YWHAB: variants seen among roughly 807,000 people sequenced by gnomAD.
YWHAB encodes the protein 14-3-3 protein beta/alpha.
YWHAB carries 2 observed loss-of-function variants against 28.5 expected under a neutral mutation model. That is an observed-to-expected ratio of 0.07 (90% CI 0.03 to 0.22). The LOEUF (loss-of-function observed/expected upper bound fraction) is 0.22. Ranked by LOEUF, YWHAB falls within the 10% of genes least tolerant of loss-of-function variation. The pLI is 1.00. For synonymous variants in YWHAB, 103 were observed against 104.7 expected (o/e 0.98, Z 0.10); for missense variants, 148 against 297.1 (o/e 0.50, Z 3.69).
In YWHAB at chr20:44,906,437, A is replaced by G; in HGVS notation, c.740A>G (p.Ter247=). Residue 247 remains the stop codon, a stop_retained_variant, in exon 6 of 6, where the codon TAA becomes TGA. Coordinates refer to ENST00000353703, the MANE Select transcript of YWHAB (RefSeq NM_139323.4). The part of the protein sequence containing the change: ...DEGDAGEGEN[*] Reference sequence around the variant, plus strand: ...GGAGACGCTGGGGAGGGAGAGAACTAATGTTTCTCGTGCTTTGTGATCTGT... The same window carrying G: ...GGAGACGCTGGGGAGGGAGAGAACTGATGTTTCTCGTGCTTTGTGATCTGT... 1.2e-6 allele frequency: 2 copies of G among 1,610,656 alleles called. No homozygotes were observed. The highest frequency in any genetic ancestry group is 1.1e-5 in the South Asian group (1 of 90,964).
At chr20:44,887,773 T>C (rs1469957127) in intron 1 of YWHAB, 1 of 152,266 alleles carries the variant, frequency 6.6e-6, no homozygotes, top group Non-Finnish European at 1.5e-5. Context: ...GCCTGCAATA[T>C]TTTCTAGCTT....
At chr20:44,905,723 G>A (rs533351062) in intron 4 of YWHAB, 81 of 288,626 alleles carry the variant, frequency 2.8e-4, no homozygotes, top group African/African-American at 1.6e-3. Flanking sequence ...AATCACACGC[G>A]TTTGCCCAGA....
intron 1 of YWHAB, among the ~76,000 whole-genome samples, chr20:44,892,373 C>T (rs2066567871): frequency 6.6e-6 from 1 of 151,752 alleles, no homozygotes; most frequent in East Asian, 1.9e-4. Context: ...CTAGTTCTGT[C>T]TGGTTGGCTT....
At chr20:44,897,004 A>G (rs925224139) in intron 1 of YWHAB, among the ~76,000 whole-genome samples, 2 of 152,202 alleles carry the variant, frequency 1.3e-5, no homozygotes, top group African/African-American at 4.8e-5. Flanking sequence ...TCTTGCCATG[A>G]TGGTTCTCAA....
rs2066662970 is a variant in YWHAB at position 44,907,199 on chromosome 20, A to G, written c.*761A>G. 1 of 152,198 alleles carries G rather than the reference A, an allele frequency of 6.6e-6. No homozygotes were observed. The highest frequency in any genetic ancestry group is 6.5e-5 in the Admixed American group (1 of 15,278). 9.4% of individuals were successfully genotyped at this position (152,198 alleles called of 1,614,324 possible). A position where few individuals can be genotyped will look rare whatever the true frequency, so the allele number is the denominator to read the frequency against. On this transcript the variant is annotated 3_prime_UTR_variant, in exon 6 of 6. Coordinates refer to ENST00000353703, the MANE Select transcript of YWHAB (RefSeq NM_139323.4). ...AACTTGTGCTTCAATAGTGGAATCTACTTTCATTGTTAACACTGAGCTAAA... is the reference window on the plus strand; with the variant it reads ...AACTTGTGCTTCAATAGTGGAATCTGCTTTCATTGTTAACACTGAGCTAAA...
At chr20:44,906,332 T>TA in intron 5 of YWHAB, 50 bp from the exon 6 acceptor site, 1 of 1,584,142 alleles carries the variant, frequency 6.3e-7, no homozygotes, top group Non-Finnish European at 8.7e-7. Flanking sequence ...GCCACTTACC[T>TA]AGGGAACTTT....
Position 44,905,145 on chromosome 20 carries a change from T to C in YWHAB, c.588+14T>C. On this transcript the variant is annotated intron_variant, in intron 4 of 5. Transcript: ENST00000353703. ...CTGGCAAAAACGGTGAGAAAGACCC[T>C]TTGTGATATCTAACCATAGCAAAAC... 6.3e-7 allele frequency: 1 copy of C among 1,598,018 alleles called. No individual in the cohort carries two copies. The highest frequency in any genetic ancestry group is 2.2e-5 in the East Asian group (1 of 44,676).
At position 44,906,673 on chromosome 20, in the gene YWHAB, G is replaced by A; in HGVS notation, c.*235G>A. Reference sequence around the variant, plus strand: ...CGAAGTTTTGATTTTGATTAACATTGACAGGATTACTGTGTGTTTAATTTT... The same window carrying A: ...CGAAGTTTTGATTTTGATTAACATTAACAGGATTACTGTGTGTTTAATTTT... On this transcript the variant is annotated 3_prime_UTR_variant, in exon 6 of 6. Transcript: ENST00000353703. 2 of 344,056 alleles carry A rather than the reference G, an allele frequency of 5.8e-6. No individual in the cohort carries two copies. The highest frequency in any genetic ancestry group is 1.3e-4 in the South Asian group (2 of 15,858). The allele number at this position is 344,056 out of a possible 1,614,324, so 21.3% of individuals were successfully genotyped here.
chr20:44,903,594 T>C (rs2066639527), intron 2 of YWHAB: 2 of 157,972 alleles, frequency 1.3e-5, no homozygotes, highest in African/African-American at 4.8e-5. Context: ...TCCAGGCTTT[T>C]CCCTTATATA....
chr20:44,890,382 C>T (rs2066553325), intron 1 of YWHAB, among the ~76,000 whole-genome samples: 1 of 151,858 alleles, frequency 6.6e-6, no homozygotes, highest in Non-Finnish European at 1.5e-5. Flanking sequence ...CCTCTGTCCA[C>T]GTAGGAAATA....
At position 44,904,968 on chromosome 20, in the gene YWHAB, C is replaced by A; in HGVS notation, c.425C>A (p.Thr142Asn). The A allele has an allele frequency of 6.3e-7, 1 of 1,593,010 alleles. No individual in the cohort carries two copies. The change falls in exon 4 of 6, where the codon ACC becomes AAC. Residue 142 changes from threonine to asparagine, a missense_variant and splice_region_variant. Thr to Asn is a moderately conservative substitution (Grantham distance 65). Coordinates refer to ENST00000353703, the MANE Select transcript of YWHAB (RefSeq NM_139323.4). ...TAATATTTTCATCTTTATGTTACAG[C>A]CACTGTGTCGAACTCCCAGCAGGCT... ...SEVASGDNKQ[T>N]TVSNSQQAYQ... is the part of the protein sequence containing the mutation.
chr20:44,906,140 C>A, intron 5 of YWHAB, 44 bp downstream of exon 5: 1 of 1,450,026 alleles, frequency 6.9e-7, no homozygotes, highest in Non-Finnish European at 9.6e-7. Flanking sequence ...TTCCTATTCA[C>A]CTACTTAATA....
rs997730232 is a variant in YWHAB at position 44,885,801 on chromosome 20, G to T, written c.-89G>T. ...AGCCACTGCAGGCACCGCTGCCGCC[G>T]CCTGAGTAGTGGGCTTAGGAAGGAA... On this transcript the variant is annotated 5_prime_UTR_variant, in exon 1 of 6. Transcript: ENST00000353703. 1.2e-4 allele frequency: 20 copies of T among 171,018 alleles called. 1 individual carries two copies. Among genetic ancestry groups the T allele is most frequent in the African/African-American group, 4.6e-4 (19 of 41,662 alleles). 10.6% of individuals were successfully genotyped at this position (171,018 alleles called of 1,614,324 possible).
intron 1 of YWHAB, among the ~76,000 whole-genome samples, chr20:44,890,641 G>T (rs1404429778): frequency 6.6e-6 from 1 of 151,560 alleles, no homozygotes; most frequent in Non-Finnish European, 1.5e-5. Context: ...CTCCTGAGTA[G>T]CTGGGATTAC....
At chr20:44,892,252 C>T (rs571098116) in intron 1 of YWHAB, among the ~76,000 whole-genome samples, 1 of 152,272 alleles carries the variant, frequency 6.6e-6, no homozygotes, top group South Asian at 2.1e-4. Flanking sequence ...ATTCTCATTT[C>T]TTTATCTGCT....
In YWHAB at chr20:44,906,446, C is replaced by A; in HGVS notation, c.*8C>A. Reference sequence around the variant, plus strand: ...GGGGAGGGAGAGAACTAATGTTTCTCGTGCTTTGTGATCTGTTCAGTGTCA... The same window carrying A: ...GGGGAGGGAGAGAACTAATGTTTCTAGTGCTTTGTGATCTGTTCAGTGTCA... On this transcript the variant is annotated 3_prime_UTR_variant, in exon 6 of 6. Transcript: ENST00000353703. The A allele has an allele frequency of 6.3e-7, 1 of 1,589,326 alleles. No individual in the cohort carries two copies. The highest frequency in any genetic ancestry group is 1.1e-5 in the South Asian group (1 of 90,530).
At chr20:44,891,825 G>A (rs957301445) in intron 1 of YWHAB, among the ~76,000 whole-genome samples, 2 of 152,200 alleles carry the variant, frequency 1.3e-5, no homozygotes, top group African/African-American at 2.4e-5. Context: ...TAATGACTTT[G>A]TATTACAGAT....
chr20:44,906,331 C>T (rs1254891747), intron 5 of YWHAB, 51 bp from the exon 6 acceptor site: 15 of 1,580,702 alleles, frequency 9.5e-6, no homozygotes, highest in Non-Finnish European at 1.2e-5. Context: ...GGCCACTTAC[C>T]TAGGGAACTT....
At chr20:44,891,795 G>T (rs2066563801) in intron 1 of YWHAB, among the ~76,000 whole-genome samples, 1 of 152,232 alleles carries the variant, frequency 6.6e-6, no homozygotes, top group African/African-American at 2.4e-5. Flanking sequence ...TCCAAATTCA[G>T]TGTTCACTGG....
Sources: gnomAD v4.1 joint callset for allele counts (sites outside exome capture counted in the v4.1 genomes callset) on GRCh38, gnomAD v4.1.1 for gene constraint, MANE v1.5 for transcripts, NCBI Gene and HGNC (gene_info 2026-07-23, HGNC 2026-07-21) for gene names.